The following ARPIN variants were observed in gnomAD, a reference collection of about 807,000 sequenced individuals.
The protein encoded by ARPIN is actin related protein 2/3 complex inhibitor, also known as UPF0552 protein C15orf38.
In ARPIN, 23 loss-of-function variants were observed where a neutral mutation model predicts 25.9. The observed-to-expected ratio is 0.89, with a 90% CI of 0.64 to 1.26. The LOEUF is 1.26. Among genes scored for constraint, ARPIN ranks in the 50% most tolerant of loss-of-function variants. ARPIN has a pLI of 0.00. For synonymous variants in ARPIN, 126 were observed against 131.4 expected, an observed-to-expected ratio of 0.96 and a Z score of 0.28; for missense variants, 333 against 312.2, an observed-to-expected ratio of 1.07 and a Z score of -0.50.
chr15:89,908,724 C>G (rs1447415619), intron 2 of ARPIN, among the ~76,000 whole-genome samples: 1 of 152,106 alleles, frequency 6.6e-6, no homozygotes, highest in Non-Finnish European at 1.5e-5. Flanking sequence ...TGGCTCACGT[C>G]TGTAATCCCA....
At position 89,908,408 on chromosome 15, in the gene ARPIN, C is replaced by G. The variant is rs761406771; in HGVS notation, c.173G>C (p.Arg58Pro). 3.1e-6 allele frequency: 5 copies of G among 1,613,984 alleles called. No homozygotes were observed. In the South Asian group the frequency reaches 5.5e-5, roughly 18 times the overall value. ...SILDTHGRKE[R>P]YYVLYIRPSH... ...GGGCCGGATATACAGCACGTAGTAG[C>G]GCTCCTGGGGCCAGGCAGACAGAGA... The change falls in exon 3 of 6, where the codon CGC becomes CCC. Residue 58 changes from arginine to proline, a missense_variant. Physicochemically the swap from Arg to Pro is moderately radical, Grantham distance 103. Transcript: ENST00000357484.
intron 2 of ARPIN, among the ~76,000 whole-genome samples, chr15:89,909,309 T>C (rs1897183366): frequency 6.6e-6 from 1 of 152,190 alleles, no homozygotes; most frequent in African/African-American, 2.4e-5. Context: ...TCCCAGGGCC[T>C]GAAGAATAGG....
Position 89,912,903 on chromosome 15 carries a change from G to C in ARPIN, c.-68C>G. On this transcript the variant is annotated 5_prime_UTR_variant, in exon 1 of 6. Transcript: ENST00000357484. The stretch of plus-strand genomic sequence containing the variant: ...GGGCTGGGGGCGCGGCGCGGGAAGT[G>C]CTGCAGGACGCGCGGGGACCCGCGA... 7.0e-7 allele frequency: 1 copy of C among 1,434,860 alleles called. No individual in the cohort carries two copies. Among genetic ancestry groups the C allele is most frequent in the Non-Finnish European group, 9.1e-7 (1 of 1,101,284 alleles). 88.9% of individuals were successfully genotyped at this position (1,434,860 alleles called of 1,614,324 possible).
At chr15:89,901,913 G>C in intron 5 of ARPIN, 110 bp from the exon 6 acceptor site, 1 of 1,339,320 alleles carries the variant, frequency 7.5e-7, no homozygotes, top group Non-Finnish European at 1.1e-6. Context: ...TGGGGCCCAT[G>C]AGTGCTTGCC....
rs370940281 is a variant in ARPIN, at chr15:89,906,282, C to T, written c.301+1998G>A. Reference sequence around the variant, plus strand: ...CTTAAAACCTCACTACAGGGCTGCCCTGCACCCTTGGTTAGAGTTGAGCTC... The same window carrying T: ...CTTAAAACCTCACTACAGGGCTGCCTTGCACCCTTGGTTAGAGTTGAGCTC... On this transcript the variant is annotated intron_variant, in intron 3 of 5. Transcript: ENST00000357484. Among the ~76,000 whole-genome samples the T allele has an allele frequency of 1.1e-4, 17 of 152,266 alleles. 1 individual carries two copies. Among genetic ancestry groups the T allele is most frequent in the African/African-American group, 3.1e-4 (13 of 41,548 alleles).
chr15:89,904,113 T>C (rs1897077669), intron 3 of ARPIN, 130 bp from the exon 4 acceptor site: 7 of 1,137,018 alleles, frequency 6.2e-6, no homozygotes, highest in Non-Finnish European at 8.5e-6. Flanking sequence ...TCAGTGCCCA[T>C]TCTGCGAGTC....
chr15:89,908,296 G>A lies in ARPIN; in HGVS notation c.285C>T (p.Phe95=), dbSNP rs751194027. The change falls in exon 3 of 6, where the codon TTC becomes TTT. Residue 95 remains phenylalanine (F), a synonymous_variant. Coordinates refer to ENST00000357484, the MANE Select transcript of ARPIN (RefSeq NM_182616.4). ...FSATRKVNTG[F]LMSSYKVEAK... ...GATACCTACTGTAGGACGACATGAG[G>A]AAGCCCGTGTTCACCTTCCTGGTGG... 3 of 1,614,208 alleles carry A rather than the reference G, an allele frequency of 1.9e-6. No individual in the cohort carries two copies. The South Asian group carries it at 3.3e-5, about 18-fold the overall frequency.
Position 89,895,214 on chromosome 15 carries a change from T to G in ARPIN, c.*6581A>C, listed in dbSNP as rs1286244488. 1 of 152,138 alleles carries G rather than the reference T, an allele frequency of 6.6e-6. No individual in the cohort carries two copies. The highest frequency in any genetic ancestry group is 6.5e-5 in the Admixed American group (1 of 15,278). The allele number at this position is 152,138 out of a possible 1,614,324, so 9.4% of individuals were successfully genotyped here. On this transcript the variant is annotated 3_prime_UTR_variant, in exon 6 of 6. Coordinates refer to ENST00000357484, the MANE Select transcript of ARPIN (RefSeq NM_182616.4). The stretch of plus-strand genomic sequence containing the variant: ...TAAGTGCATTGTTCTACATTGAATA[T>G]GAGAAATATTAAATAGATAATAAAA...
In ARPIN at chr15:89,897,111, T is replaced by G. The variant is rs911324727; in HGVS notation, c.*4684A>C. 6.6e-6 allele frequency: 1 copy of G among 152,232 alleles called. No individual in the cohort carries two copies. The highest frequency in any genetic ancestry group is 2.4e-5 in the African/African-American group (1 of 41,462). 9.4% of individuals were successfully genotyped at this position (152,232 alleles called of 1,614,324 possible). The stretch of plus-strand genomic sequence containing the variant: ...TTTCAACATTTTTGGAAACATTAAT[T>G]CTGTTAGCCACACAGGGATCAATTT... On this transcript the variant is annotated 3_prime_UTR_variant, in exon 6 of 6. Transcript: ENST00000357484.
chr15:89,908,979 T>A (rs1215997359), intron 2 of ARPIN, among the ~76,000 whole-genome samples: 2 of 151,868 alleles, frequency 1.3e-5, no homozygotes, highest in African/African-American at 2.4e-5. Flanking sequence ...TGAGACTTCA[T>A]CTCAAAAAAC....
At chr15:89,903,506 T>C in intron 4 of ARPIN, 127 bp from the exon 5 acceptor site, 1 of 1,488,634 alleles carries the variant, frequency 6.7e-7, no homozygotes. Context: ...ATAGATGTGG[T>C]CAATGAGCCC....
intron 2 of ARPIN, among the ~76,000 whole-genome samples, chr15:89,910,250 C>A (rs1414361424): frequency 2.6e-5 from 4 of 151,976 alleles, no homozygotes; most frequent in Non-Finnish European, 5.9e-5. Context: ...CTAGGTGGGG[C>A]TATTTGAAGG....
chr15:89,911,690 A>G (rs1179945388), intron 1 of ARPIN, among the ~76,000 whole-genome samples: 1 of 152,248 alleles, frequency 6.6e-6, no homozygotes, highest in Non-Finnish European at 1.5e-5. Flanking sequence ...TGATTACCAC[A>G]GATTAATGAA....
chr15:89,908,236 G>T, intron 3 of ARPIN, 44 bp downstream of exon 3: 1 of 1,611,800 alleles, frequency 6.2e-7, no homozygotes, highest in South Asian at 1.1e-5. Flanking sequence ...CCGCCACACT[G>T]CAGGAGGGCC....
rs1013321880 is a variant in ARPIN at position 89,895,566 on chromosome 15, T to C, written c.*6229A>G. ...GTCTACTGACTTCAGACAGTTGTTATAAACACAAAGGGAGTTAGTATAATA... is the reference window on the plus strand; with the variant it reads ...GTCTACTGACTTCAGACAGTTGTTACAAACACAAAGGGAGTTAGTATAATA... On this transcript the variant is annotated 3_prime_UTR_variant, in exon 6 of 6. Transcript: ENST00000357484. 1.3e-5 allele frequency: 2 copies of C among 152,276 alleles called. No homozygotes were observed. Among genetic ancestry groups the C allele is most frequent in the African/African-American group, 4.8e-5 (2 of 41,476 alleles). 9.4% of individuals were successfully genotyped at this position (152,276 alleles called of 1,614,324 possible). A position where few individuals can be genotyped will look rare whatever the true frequency, so the allele number is the denominator to read the frequency against.
Position 89,903,338 on chromosome 15 carries a change from T to C in ARPIN, c.550A>G (p.Asn184Asp). 6.2e-7 allele frequency: 1 copy of C among 1,614,244 alleles called. No individual in the cohort carries two copies. The highest frequency in any genetic ancestry group is 8.5e-7 in the Non-Finnish European group (1 of 1,180,048). ...CCTGTCTTTCCATCACCAGTGAAATTACACTTGGTCACTGTTCCAGCCTCA... is the reference window on the plus strand; with the variant it reads ...CCTGTCTTTCCATCACCAGTGAAATCACACTTGGTCACTGTTCCAGCCTCA... ...KLEAGTVTKC[N>D]FTGDGKTGAS... is the part of the protein sequence containing the mutation. Residue 184 changes from asparagine to aspartate, a missense_variant, in exon 5 of 6, where the codon AAT becomes GAT. Asn to Asp is a conservative substitution (Grantham distance 23). Transcript: ENST00000357484.
At chr15:89,902,830 G>A in intron 5 of ARPIN, 1 of 1,149,674 alleles carries the variant, frequency 8.7e-7, no homozygotes, top group Non-Finnish European at 1.1e-6. Context: ...GACACTTCAG[G>A]CAAGGAGCCC....
In ARPIN at chr15:89,901,623, C is replaced by A; in HGVS notation, c.*172G>T. 1.3e-6 allele frequency: 1 copy of A among 744,930 alleles called. No homozygotes were observed. The highest frequency in any genetic ancestry group is 1.8e-5 in the South Asian group (1 of 56,912). The allele number at this position is 744,930 out of a possible 1,614,324, so 46.1% of individuals were successfully genotyped here. ...GAGGCCCCACCACCAACACAGTGGT[C>A]ATGGGTTTGGTTTTAGCAGAGCTTG... On this transcript the variant is annotated 3_prime_UTR_variant, in exon 6 of 6. Coordinates refer to ENST00000357484, the MANE Select transcript of ARPIN (RefSeq NM_182616.4).
At position 89,903,341 on chromosome 15, in the gene ARPIN, A is replaced by G. The variant is rs766142232; in HGVS notation, c.547T>C (p.Cys183Arg). The G allele has an allele frequency of 1.4e-5, 22 of 1,614,154 alleles. No individual in the cohort carries two copies. The highest frequency in any genetic ancestry group is 1.9e-5 in the Non-Finnish European group (22 of 1,180,020). ...GTCTTTCCATCACCAGTGAAATTAC[A>G]CTTGGTCACTGTTCCAGCCTCAAGT... ...AKLEAGTVTK[C>R]NFTGDGKTGA... is the part of the protein sequence containing the mutation. Residue 183 changes from cysteine (C) to arginine (R), a missense_variant, in exon 5 of 6, where the codon TGT becomes CGT. By Grantham distance (180) the Cys-to-Arg change is radical (BLOSUM62 -3). Coordinates refer to ENST00000357484, the MANE Select transcript of ARPIN (RefSeq NM_182616.4).
Sources: allele counts gnomAD v4.1 joint callset (sites outside exome capture counted in the v4.1 genomes callset), GRCh38; gene constraint gnomAD v4.1.1; transcripts MANE v1.5; gene names NCBI Gene and HGNC (gene_info 2026-07-23, HGNC 2026-07-21).